CCDC148: variants seen among roughly 807,000 people sequenced by gnomAD.
The protein encoded by CCDC148 is coiled-coil domain-containing protein 148.
A neutral mutation model predicts 85.7 loss-of-function variants in CCDC148; 89 were observed. The ratio of observed to expected loss-of-function variants is 1.04; its 90% CI spans 0.87 to 1.24. The LOEUF (loss-of-function observed/expected upper bound fraction) is 1.24, where lower values mean the gene tolerates loss of function less well. Among genes scored for constraint, CCDC148 ranks in the 50% most tolerant of loss-of-function variants. CCDC148 has a pLI of 0.00. For missense variants in CCDC148, 692 were observed against 671.7 expected (o/e 1.03, Z -0.33); for synonymous variants, 230 against 213.9 (o/e 1.08, Z -0.66).
intron 9 of CCDC148, among the ~76,000 whole-genome samples, chr2:158,277,562 T>C (rs553784111): frequency 6.6e-6 from 1 of 152,308 alleles, no homozygotes; most frequent in South Asian, 2.1e-4. Flanking sequence ...ATGGCCCCTT[T>C]CAATACTCAC....
intron 1 of CCDC148, among the ~76,000 whole-genome samples, chr2:158,448,021 T>C (rs1429322574): frequency 6.6e-6 from 1 of 152,136 alleles, no homozygotes; most frequent in Non-Finnish European, 1.5e-5. Flanking sequence ...CTCTTACAGG[T>C]AGGTCTGTGA....
chr2:158,378,931 A>C (rs1021238529), intron 1 of CCDC148, among the ~76,000 whole-genome samples: 7 of 152,294 alleles, frequency 4.6e-5, no homozygotes, highest in South Asian at 2.1e-4. Flanking sequence ...TGTTGCTTTC[A>C]TGCCTGCTAA....
chr2:158,375,575 G>T (rs1259245712), intron 1 of CCDC148, among the ~76,000 whole-genome samples: 1 of 152,090 alleles, frequency 6.6e-6, no homozygotes, highest in East Asian at 1.9e-4. Context: ...GACACAGCTA[G>T]GTACTAATAT....
rs576550188 is a variant in CCDC148 at position 158,319,026 on chromosome 2, A to C, written c.765-5132T>G. Among the ~76,000 whole-genome samples, 287 of 152,278 alleles carry C rather than the reference A, an allele frequency of 1.9e-3. 2 individuals carry two copies. The Middle Eastern group carries it at 0.02, about 11-fold the overall frequency. ...AGCAATCCTCCCACCTCGGCCTCCC[A>C]AAGTGCTGGAATTACAGGCATAAGC... On this transcript the variant is annotated intron_variant, in intron 7 of 13. Coordinates refer to ENST00000283233, the MANE Select transcript of CCDC148 (RefSeq NM_138803.4).
At chr2:158,296,034 CCTGT>C (rs1256397742) in intron 9 of CCDC148, among the ~76,000 whole-genome samples, 4 of 152,144 alleles carry the variant, frequency 2.6e-5, no homozygotes, top group Non-Finnish European at 2.9e-5. Context: ...TAGTGGATGG[CCTGT>C]CTTTTTATTA....
At chr2:158,277,010 C>T (rs1689979606) in intron 9 of CCDC148, among the ~76,000 whole-genome samples, 1 of 152,170 alleles carries the variant, frequency 6.6e-6, no homozygotes, top group Admixed American at 6.5e-5. Flanking sequence ...ATTTTACATG[C>T]AAATCACAGA....
chr2:158,176,423 T>C (rs76521100), intron 13 of CCDC148, 98 bp downstream of exon 13: 3 of 1,152,904 alleles, frequency 2.6e-6, no homozygotes, highest in Admixed American at 5.0e-5. Flanking sequence ...GATATTCAAA[T>C]GTAAATATTG....
At chr2:158,456,363 C>T in intron 1 of CCDC148, 52 bp downstream of exon 1, 1 of 1,581,110 alleles carries the variant, frequency 6.3e-7, no homozygotes, top group Non-Finnish European at 8.7e-7. Flanking sequence ...ATTTAGGTGG[C>T]TCAGTGACGT....
At chr2:158,429,250 C>T (rs563093745) in intron 1 of CCDC148, among the ~76,000 whole-genome samples, 1 of 152,078 alleles carries the variant, frequency 6.6e-6, no homozygotes, top group Non-Finnish European at 1.5e-5. Flanking sequence ...CAAACCTGCA[C>T]ATTGAGCACA....
chr2:158,424,742 C>CA, intron 1 of CCDC148: 2 of 212,686 alleles, frequency 9.4e-6, no homozygotes, highest in Middle Eastern at 1.2e-3. Flanking sequence ...AAGAATCCCC[C>CA]AAAAAGGGTT....
chr2:158,345,139 A>G, intron 3 of CCDC148, 76 bp downstream of exon 3: 1 of 977,432 alleles, frequency 1.0e-6, no homozygotes, highest in Non-Finnish European at 1.5e-6. Flanking sequence ...AACATGGAAC[A>G]TTATAGAACA....
chr2:158,347,624 T>G (rs1024772935), intron 2 of CCDC148, among the ~76,000 whole-genome samples: 4 of 152,112 alleles, frequency 2.6e-5, no homozygotes, highest in African/African-American at 7.2e-5. Flanking sequence ...TCTGGAAACA[T>G]GCCAAAACAA....
intron 7 of CCDC148, among the ~76,000 whole-genome samples, chr2:158,326,466 C>T (rs902442432): frequency 8.6e-5 from 13 of 152,034 alleles, no homozygotes; most frequent in African/African-American, 1.9e-4. Flanking sequence ...CATGAGTACA[C>T]GAATTTTTGT....
At chr2:158,384,820 A>C (rs573840825) in intron 1 of CCDC148, among the ~76,000 whole-genome samples, 1 of 152,310 alleles carries the variant, frequency 6.6e-6, no homozygotes, top group Admixed American at 6.5e-5. Flanking sequence ...TCTTTAAACA[A>C]CAATACCCAT....
At chr2:158,227,127 T>C (rs913412614) in intron 10 of CCDC148, among the ~76,000 whole-genome samples, 5 of 152,106 alleles carry the variant, frequency 3.3e-5, no homozygotes, top group African/African-American at 1.2e-4. Flanking sequence ...ACAAAATCAA[T>C]GTACAAAAAT....
chr2:158,298,715 C>T (rs1691309355), intron 9 of CCDC148, among the ~76,000 whole-genome samples: 2 of 152,232 alleles, frequency 1.3e-5, no homozygotes, highest in East Asian at 1.9e-4. Flanking sequence ...CTATTTGACC[C>T]ATTTTTATAT....
intron 11 of CCDC148, among the ~76,000 whole-genome samples, chr2:158,212,400 A>G (rs1302931545): frequency 6.6e-6 from 1 of 152,256 alleles, no homozygotes; most frequent in African/African-American, 2.4e-5. Context: ...GCCTTCCAAT[A>G]CAACATGTCG....
chr2:158,439,369 T>C (rs1687829579), intron 1 of CCDC148, among the ~76,000 whole-genome samples: 2 of 152,136 alleles, frequency 1.3e-5, no homozygotes, highest in Non-Finnish European at 2.9e-5. Context: ...AGGAAACTAT[T>C]GCAGGGACAG....
intron 10 of CCDC148, among the ~76,000 whole-genome samples, chr2:158,221,635 T>C (rs1003869530): frequency 6.6e-6 from 1 of 152,126 alleles, no homozygotes; most frequent in African/African-American, 2.4e-5. Flanking sequence ...CAGAGGTGAA[T>C]AGGAAAATCT....
Sources: gnomAD v4.1 joint callset for allele counts (sites outside exome capture counted in the v4.1 genomes callset) on GRCh38, gnomAD v4.1.1 for gene constraint, MANE v1.5 for transcripts, NCBI Gene and HGNC (gene_info 2026-07-23, HGNC 2026-07-21) for gene names.